The following HYDIN variants were observed in gnomAD, a reference collection of about 807,000 sequenced individuals.
The protein encoded by HYDIN is axonemal central pair apparatus protein HYDIN.
A neutral mutation model predicts 403.9 loss-of-function variants in HYDIN; 132 were observed. That is an observed-to-expected ratio of 0.33 (90% CI 0.28 to 0.38). The LOEUF (loss-of-function observed/expected upper bound fraction) is 0.38, where lower values mean the gene tolerates loss of function less well. HYDIN is among the 10% of genes least tolerant of loss of function. The pLI is 1.00. For missense variants in HYDIN, 2,827 were observed against 5,009.5 expected, an observed-to-expected ratio of 0.56 and a Z score of 13.15; for synonymous variants, 1,202 against 1,891.7, an observed-to-expected ratio of 0.64 and a Z score of 9.46.
At chr16:71,010,610 G>A (rs537294983) in intron 23 of HYDIN, among the ~76,000 whole-genome samples, 9 of 151,962 alleles carry the variant, frequency 5.9e-5, no homozygotes, top group African/African-American at 1.2e-4. Flanking sequence ...CACAAGAGCC[G>A]AGGCTCAGGG....
chr16:70,997,739 C>T lies in HYDIN; in HGVS notation c.3645-5529G>A, dbSNP rs545714899. Among the ~76,000 whole-genome samples the T allele has an allele frequency of 5.8e-4, 88 of 151,176 alleles. 3 individuals are homozygous for T. The East Asian group carries it at 0.016, about 28-fold the overall frequency. On this transcript the variant is annotated intron_variant, in intron 23 of 85. Transcript: ENST00000393567. The stretch of plus-strand genomic sequence containing the variant: ...GAAGCCATGTCTGTCTGTCTCACCA[C>T]GGTCTCCAGCACTGGGCACCATACC...
At chr16:70,980,087 G>A (rs563619898) in intron 29 of HYDIN, among the ~76,000 whole-genome samples, 43 of 150,870 alleles carry the variant, frequency 2.9e-4, no homozygotes, top group Admixed American at 1.5e-3. Context: ...GATGAGGCCA[G>A]CTGGGTGCCC....
intron 10 of HYDIN, among the ~76,000 whole-genome samples, chr16:71,108,297 A>T (rs1194266042): frequency 1.3e-5 from 2 of 152,196 alleles, no homozygotes; most frequent in Admixed American, 6.5e-5. Flanking sequence ...CTAAAAGTTA[A>T]TTTTTTGTTT....
chr16:71,030,478 G>A (rs1016514157), intron 19 of HYDIN, among the ~76,000 whole-genome samples: 2 of 150,284 alleles, frequency 1.3e-5, no homozygotes, highest in African/African-American at 4.9e-5. Flanking sequence ...TGTCACCCAG[G>A]CTGGAGTGCA....
chr16:70,989,566 C>G (rs188327116), intron 25 of HYDIN, among the ~76,000 whole-genome samples: 7 of 152,092 alleles, frequency 4.6e-5, no homozygotes, highest in African/African-American at 1.7e-4. Context: ...TATTTGTATT[C>G]TGATTTTTCA....
At chr16:71,165,743 A>AG (rs1021702920) in intron 5 of HYDIN, among the ~76,000 whole-genome samples, 2 of 150,538 alleles carry the variant, frequency 1.3e-5, no homozygotes, top group Non-Finnish European at 3.0e-5. Context: ...CGTGAGGGGG[A>AG]GGGGGGCGGT....
intron 21 of HYDIN, among the ~76,000 whole-genome samples, chr16:71,021,908 T>C (rs1246892938): frequency 2.6e-5 from 4 of 152,146 alleles, no homozygotes; most frequent in African/African-American, 9.7e-5. Flanking sequence ...CCAGTGTCCC[T>C]TGGCTCGAGC....
At chr16:70,865,752 G>T (rs2039710110) in intron 67 of HYDIN, among the ~76,000 whole-genome samples, 2 of 152,096 alleles carry the variant, frequency 1.3e-5, no homozygotes, top group South Asian at 4.2e-4. Context: ...AGATATATCT[G>T]CAGAGTGGTT....
intron 1 of HYDIN, among the ~76,000 whole-genome samples, chr16:71,208,808 A>G (rs2088430950): frequency 5.3e-5 from 8 of 152,186 alleles, no homozygotes; most frequent in Admixed American, 5.2e-4. Flanking sequence ...AAATGGATAA[A>G]TTTCTGGATA....
At position 70,807,470 on chromosome 16, in the gene HYDIN, G is replaced by A; in HGVS notation, c.*110C>T. 1 of 1,239,914 alleles carries A rather than the reference G, an allele frequency of 8.1e-7. No individual in the cohort carries two copies. Among genetic ancestry groups the A allele is most frequent in the Non-Finnish European group, 1.1e-6 (1 of 891,288 alleles). 76.8% of individuals were successfully genotyped at this position (1,239,914 alleles called of 1,614,324 possible). On this transcript the variant is annotated 3_prime_UTR_variant, in exon 86 of 86. Transcript: ENST00000393567. ...ATAGGGAAATAACTGCCCTATAATTGTATGAGAAGAATAAAAACAGTTCCT... is the reference window on the plus strand; with the variant it reads ...ATAGGGAAATAACTGCCCTATAATTATATGAGAAGAATAAAAACAGTTCCT...
chr16:70,864,127 T>TCTC (rs2039580696), intron 67 of HYDIN, among the ~76,000 whole-genome samples: 2 of 151,998 alleles, frequency 1.3e-5, no homozygotes, highest in Non-Finnish European at 2.9e-5. Flanking sequence ...GGTCAGGAGT[T>TCTC]CGAGACCAGC....
intron 1 of HYDIN, among the ~76,000 whole-genome samples, chr16:71,204,813 A>G (rs541696661): frequency 6.6e-6 from 1 of 152,318 alleles, no homozygotes; most frequent in South Asian, 2.1e-4. Flanking sequence ...TTTCCACTCT[A>G]TATCTCTAAC....
chr16:70,933,878 AC>A (rs1303762036), intron 45 of HYDIN, among the ~76,000 whole-genome samples: 1 of 151,758 alleles, frequency 6.6e-6, no homozygotes, highest in Non-Finnish European at 1.5e-5. Context: ...TCTTCCTCCA[AC>A]CCATTATGTA....
chr16:71,070,018 G>T (rs1437299366), intron 13 of HYDIN, among the ~76,000 whole-genome samples: 1 of 152,166 alleles, frequency 6.6e-6, no homozygotes, highest in African/African-American at 2.4e-5. Flanking sequence ...ACCTGTCTGG[G>T]TATCACGCTC....
chr16:70,985,137 A>G, intron 28 of HYDIN, 48 bp downstream of exon 28: 1 of 1,580,178 alleles, frequency 6.3e-7, no homozygotes, highest in Non-Finnish European at 8.7e-7. Context: ...CCTGCTTCGG[A>G]GTGGGGCTCG....
intron 23 of HYDIN, among the ~76,000 whole-genome samples, chr16:71,010,836 A>G (rs1012413825): frequency 2.0e-5 from 3 of 152,054 alleles, no homozygotes; most frequent in African/African-American, 7.2e-5. Flanking sequence ...TGGGCAGAAC[A>G]AGGAACTGCC....
Position 70,803,845 on chromosome 16 carries a change from G to A in HYDIN, c.*3735C>T, listed in dbSNP as rs2034996427. On this transcript the variant is annotated 3_prime_UTR_variant, in exon 86 of 86. Coordinates refer to ENST00000393567, the MANE Select transcript of HYDIN (RefSeq NM_001270974.2). ...AGACTTAGCATGCCACACTCACTGGGGGCCCAGTGTGGAACGAGGCCAGGG... is the reference window on the plus strand; with the variant it reads ...AGACTTAGCATGCCACACTCACTGGAGGCCCAGTGTGGAACGAGGCCAGGG... 6.6e-6 allele frequency among the ~76,000 whole-genome samples: 1 copy of A among 152,134 alleles called. No individual in the cohort carries two copies. The highest frequency in any genetic ancestry group is 2.1e-4 in the South Asian group (1 of 4,822).
intron 29 of HYDIN, among the ~76,000 whole-genome samples, chr16:70,980,752 T>C (rs1198204430): frequency 6.6e-6 from 1 of 151,842 alleles, no homozygotes; most frequent in African/African-American, 2.4e-5. Context: ...GTTTCCCTGA[T>C]CCATCGTCCT....
intron 23 of HYDIN, among the ~76,000 whole-genome samples, chr16:71,011,490 T>C (rs994733759): frequency 1.3e-5 from 2 of 151,676 alleles, no homozygotes; most frequent in African/African-American, 4.9e-5. Context: ...GAGGATCACT[T>C]GAGCCTAGGA....
Sources: allele counts gnomAD v4.1 joint callset (sites outside exome capture counted in the v4.1 genomes callset), GRCh38; gene constraint gnomAD v4.1.1; transcripts MANE v1.5; gene names NCBI Gene and HGNC (gene_info 2026-07-23, HGNC 2026-07-21).